The following AGMO variants were observed in gnomAD, a reference collection of about 807,000 sequenced individuals.
The protein encoded by AGMO is glyceryl-ether monooxygenase.
Under a neutral mutation model 60.2 loss-of-function variants are expected in AGMO, and 75 were observed. That is an observed-to-expected ratio of 1.25 (90% CI 1.03 to 1.51). The LOEUF is 1.51. Ranked by LOEUF, AGMO falls within the 40% of genes most tolerant of loss-of-function variation. The pLI, the probability that AGMO is intolerant of heterozygous loss-of-function variation, is 0.00. For missense variants in AGMO, 763 were observed against 525.5 expected (o/e 1.45, Z -4.42); for synonymous variants, 261 against 177.1 (o/e 1.47, Z -3.76).
intron 3 of AGMO, among the ~76,000 whole-genome samples, chr7:15,517,577 C>T (rs993999718): frequency 5.3e-5 from 8 of 151,606 alleles, no homozygotes; most frequent in African/African-American, 9.7e-5. Flanking sequence ...GGAACTCCTT[C>T]CCCTAGCCAA....
At chr7:15,407,098 A>C (rs1185286445) in intron 5 of AGMO, among the ~76,000 whole-genome samples, 1 of 146,382 alleles carries the variant, frequency 6.8e-6, no homozygotes, top group Non-Finnish European at 1.5e-5. Context: ...ACATATATAC[A>C]TATATGTGTG....
At chr7:15,468,196 C>T (rs1264947096) in intron 3 of AGMO, among the ~76,000 whole-genome samples, 1 of 152,128 alleles carries the variant, frequency 6.6e-6, no homozygotes, top group Non-Finnish European at 1.5e-5. Flanking sequence ...GGCAAAAATA[C>T]TGTTGTAGCT....
At chr7:15,273,590 G>C (rs1000580860) in intron 12 of AGMO, among the ~76,000 whole-genome samples, 5 of 152,156 alleles carry the variant, frequency 3.3e-5, no homozygotes, top group Non-Finnish European at 5.9e-5. Flanking sequence ...GCTTAGGATT[G>C]ACTTGGCAAT....
chr7:15,516,655 C>T (rs902629068), intron 3 of AGMO, among the ~76,000 whole-genome samples: 1 of 152,178 alleles, frequency 6.6e-6, no homozygotes, highest in Admixed American at 6.5e-5. Context: ...GTTGAGCACA[C>T]ATCTGGACAC....
intron 3 of AGMO, among the ~76,000 whole-genome samples, chr7:15,531,888 C>T (rs1173090528): frequency 6.6e-6 from 1 of 151,692 alleles, no homozygotes; most frequent in Non-Finnish European, 1.5e-5. Context: ...AAGCTGGTCT[C>T]GAACTCTTGA....
chr7:15,410,112 C>T (rs1218500151), intron 5 of AGMO, among the ~76,000 whole-genome samples: 1 of 151,670 alleles, frequency 6.6e-6, no homozygotes, highest in African/African-American at 2.4e-5. Flanking sequence ...ACCACTGTAA[C>T]TGTGCTTCTA....
At chr7:15,340,616 A>C (rs1781813375) in intron 12 of AGMO, among the ~76,000 whole-genome samples, 1 of 152,194 alleles carries the variant, frequency 6.6e-6, no homozygotes, top group Non-Finnish European at 1.5e-5. Context: ...ATGGCTTCAG[A>C]GGGTGCCAGC....
chr7:15,169,390 T>C, the AGMO span, among the ~76,000 whole-genome samples: 1 of 152,148 alleles, frequency 6.6e-6, no homozygotes, highest in Admixed American at 6.5e-5. Flanking sequence ...ATTAAGATAT[T>C]GAATCATAGG....
At chr7:15,250,315 TCTTC>T (rs1782892511) in intron 12 of AGMO, among the ~76,000 whole-genome samples, 2 of 152,176 alleles carry the variant, frequency 1.3e-5, no homozygotes, top group African/African-American at 4.8e-5. Flanking sequence ...AGACAATTAG[TCTTC>T]CTTGTTAAGA....
At chr7:15,264,861 A>T (rs1353082708) in intron 12 of AGMO, among the ~76,000 whole-genome samples, 1 of 152,124 alleles carries the variant, frequency 6.6e-6, no homozygotes, top group Non-Finnish European at 1.5e-5. Context: ...GTCACTGTGG[A>T]AAGCAGTTTG....
intron 3 of AGMO, among the ~76,000 whole-genome samples, chr7:15,475,234 C>T (rs1309641863): frequency 6.6e-6 from 1 of 152,134 alleles, no homozygotes; most frequent in Non-Finnish European, 1.5e-5. Flanking sequence ...TATAAATACA[C>T]ATGCACACAT....
rs1783973265 is a variant in AGMO, at chr7:15,387,686, G to A, written c.823-146C>T. ...ATTAGAGCAACAGAAATGTGTAATTGCATTCCATGCTGTAATCTATTCTAT... is the reference window on the plus strand; with the variant it reads ...ATTAGAGCAACAGAAATGTGTAATTACATTCCATGCTGTAATCTATTCTAT... On this transcript the variant is annotated intron_variant, in intron 8 of 12. Coordinates refer to ENST00000342526, the MANE Select transcript of AGMO (RefSeq NM_001004320.2). The A allele has an allele frequency of 4.0e-5, 27 of 668,914 alleles. No homozygotes were observed. The South Asian group carries it at 5.3e-4, about 13-fold the overall frequency. 41.4% of individuals were successfully genotyped at this position (668,914 alleles called of 1,614,324 possible).
chr7:15,465,100 A>G (rs1782244525), intron 3 of AGMO, among the ~76,000 whole-genome samples: 1 of 151,952 alleles, frequency 6.6e-6, no homozygotes, highest in African/African-American at 2.4e-5. Flanking sequence ...ACCTCAGAAA[A>G]AGCTAAAAGT....
rs73275401 is a variant in AGMO at position 15,202,312 on chromosome 7, C to A, written c.1264-953G>T. 5.3e-3 allele frequency among the ~76,000 whole-genome samples: 805 copies of A among 151,922 alleles called. 10 individuals carry two copies. The highest frequency in any genetic ancestry group is 0.019 in the African/African-American group (772 of 41,442). On this transcript the variant is annotated intron_variant, in intron 12 of 12. Coordinates refer to ENST00000342526, the MANE Select transcript of AGMO (RefSeq NM_001004320.2). Reference sequence around the variant, plus strand: ...AATTAAGAAGATGAAGGCATGGGAGCATTCTGGTGTGGGGAACTCCGGTGA... The same window carrying A: ...AATTAAGAAGATGAAGGCATGGGAGAATTCTGGTGTGGGGAACTCCGGTGA...
the AGMO span, among the ~76,000 whole-genome samples, chr7:15,140,728 T>C: frequency 6.6e-6 from 1 of 152,170 alleles, no homozygotes; most frequent in Admixed American, 6.5e-5. Flanking sequence ...TAAAGTTTAT[T>C]TTGGTTCTTT....
At chr7:15,241,217 T>A (rs531710046) in intron 12 of AGMO, among the ~76,000 whole-genome samples, 22 of 151,862 alleles carry the variant, frequency 1.4e-4, no homozygotes, top group African/African-American at 4.8e-4. Context: ...TCCCAGCACT[T>A]TGGGAGGCCG....
At chr7:15,531,491 A>G (rs189434474) in intron 3 of AGMO, among the ~76,000 whole-genome samples, 6 of 32,000 alleles carry the variant, frequency 1.9e-4, no homozygotes, top group Non-Finnish European at 2.2e-4. Context: ...TATATATTCT[A>G]TATATATTCT....
intron 12 of AGMO, among the ~76,000 whole-genome samples, chr7:15,299,167 G>A (rs1784486189): frequency 6.6e-6 from 1 of 151,994 alleles, no homozygotes; most frequent in Non-Finnish European, 1.5e-5. Context: ...CTACATATGA[G>A]TTATTTACTC....
chr7:15,336,830 T>C (rs965380253), intron 12 of AGMO, among the ~76,000 whole-genome samples: 1 of 152,178 alleles, frequency 6.6e-6, no homozygotes, highest in Non-Finnish European at 1.5e-5. Context: ...CTACATAACA[T>C]ATATTTCAGG....
Sources: gnomAD v4.1 joint callset for allele counts (sites outside exome capture counted in the v4.1 genomes callset) on GRCh38, gnomAD v4.1.1 for gene constraint, MANE v1.5 for transcripts, NCBI Gene and HGNC (gene_info 2026-07-23, HGNC 2026-07-21) for gene names.